DOCK1: variants seen among roughly 807,000 people sequenced by gnomAD.
The protein encoded by DOCK1 is dedicator of cytokinesis protein 1.
In DOCK1, 138 loss-of-function variants were observed where a neutral mutation model predicts 262.7. The ratio of observed to expected loss-of-function variants is 0.53; its 90% CI spans 0.46 to 0.61. DOCK1 has a LOEUF of 0.61. DOCK1 is among the 20% of genes least tolerant of loss of function. The pLI, the probability that DOCK1 is intolerant of heterozygous loss-of-function variation, is 0.00. For synonymous variants in DOCK1, 866 were observed against 867.4 expected, an observed-to-expected ratio of 1.00 and a Z score of 0.03; for missense variants, 1,908 against 2,370.7, an observed-to-expected ratio of 0.80 and a Z score of 4.05.
In DOCK1 at chr10:127,176,111, G is replaced by A; in HGVS notation, c.2847+48347G>A. The A allele has an allele frequency of 6.2e-7, 1 of 1,614,178 alleles. No homozygotes were observed. The highest frequency in any genetic ancestry group is 8.5e-7 in the Non-Finnish European group (1 of 1,180,042). ...CTGTGCTCTTGGTGACGTTGGGGAT[G>A]GACCTGCGTGCGGGCACTGTCATGT... is the stretch of plus-strand genomic sequence containing the variant. On this transcript the variant is annotated intron_variant, in intron 27 of 51. Transcript: ENST00000623213. This position sits in a 1 kb window ranked among gnomAD's most constrained non-coding sequence, Gnocchi z 4.4.
intron 27 of DOCK1, among the ~76,000 whole-genome samples, chr10:127,158,555 C>A (rs958129195): frequency 1.3e-5 from 2 of 152,098 alleles, no homozygotes; most frequent in African/African-American, 2.4e-5. Context: ...ACCTTCTGGG[C>A]GTTCAGTTAA....
intron 46 of DOCK1, among the ~76,000 whole-genome samples, chr10:127,420,025 TTC>T (rs2068404267): frequency 6.6e-6 from 1 of 152,222 alleles, no homozygotes; most frequent in Admixed American, 6.5e-5. Flanking sequence ...GGAAAACTTT[TTC>T]TCTGTCTGTA....
intron 45 of DOCK1, 144 bp from the exon 46 acceptor site, chr10:127,419,522 A>T: frequency 2.8e-6 from 2 of 724,022 alleles, no homozygotes; most frequent in Non-Finnish European, 4.6e-6. Context: ...GGTGCTGCGA[A>T]GGGTGTGACC....
intron 27 of DOCK1, among the ~76,000 whole-genome samples, chr10:127,144,451 T>C (rs917608133): frequency 2.0e-5 from 3 of 152,186 alleles, no homozygotes; most frequent in Admixed American, 1.3e-4. Context: ...GTTTAATTCA[T>C]CTTTTGTCTG....
intron 29 of DOCK1, among the ~76,000 whole-genome samples, chr10:127,310,917 C>T (rs1481167461): frequency 6.6e-6 from 1 of 152,132 alleles, no homozygotes. Context: ...CTGAAAATTA[C>T]CCTGAAATGA....
intron 22 of DOCK1, among the ~76,000 whole-genome samples, chr10:127,060,041 G>T (rs140000726): frequency 6.6e-6 from 1 of 152,202 alleles, no homozygotes; most frequent in East Asian, 1.9e-4. Context: ...CATTTACTGT[G>T]CCTCTGGCTT....
At chr10:127,253,187 AC>A (rs758468762) in intron 28 of DOCK1, among the ~76,000 whole-genome samples, 1 of 152,236 alleles carries the variant, frequency 6.6e-6, no homozygotes, top group Non-Finnish European at 1.5e-5. Context: ...CCACGTGTCC[AC>A]GTCTCAGTAA....
intron 1 of DOCK1, among the ~76,000 whole-genome samples, chr10:126,942,705 A>G (rs1165094774): frequency 3.9e-5 from 6 of 152,156 alleles, no homozygotes; most frequent in South Asian, 2.1e-4. Context: ...AATACACTCA[A>G]TGTTACACAA....
intron 28 of DOCK1, among the ~76,000 whole-genome samples, chr10:127,252,926 G>C (rs1178188424): frequency 6.6e-6 from 1 of 151,994 alleles, no homozygotes; most frequent in Non-Finnish European, 1.5e-5. Flanking sequence ...TACTAATTCA[G>C]GTTCTCAAAT....
At chr10:127,401,612 C>T (rs947109645) in intron 38 of DOCK1, among the ~76,000 whole-genome samples, 1 of 152,134 alleles carries the variant, frequency 6.6e-6, no homozygotes, top group Non-Finnish European at 1.5e-5. Flanking sequence ...GCCCACTCAC[C>T]CAGCTCCTGA....
intron 31 of DOCK1, 142 bp from the exon 32 acceptor site, chr10:127,354,527 G>C: frequency 1.2e-6 from 1 of 850,460 alleles, no homozygotes; most frequent in Admixed American, 2.7e-5. Flanking sequence ...ATTCATTTTG[G>C]TGGCAAGAGA....
intron 33 of DOCK1, among the ~76,000 whole-genome samples, chr10:127,371,944 G>GA (rs551647219): frequency 1.4e-4 from 21 of 152,064 alleles, no homozygotes; most frequent in Admixed American, 5.9e-4. Flanking sequence ...GATTTCAGGA[G>GA]AAAAAAAATC....
chr10:126,927,387 C>T (rs182090591), intron 1 of DOCK1, among the ~76,000 whole-genome samples: 4 of 152,172 alleles, frequency 2.6e-5, no homozygotes, highest in East Asian at 1.9e-4. Context: ...AGTTAGAGGC[C>T]GAGCTGATGA....
chr10:127,110,548 G>T (rs1339623087), intron 25 of DOCK1, among the ~76,000 whole-genome samples, 194 bp downstream of exon 25: 1 of 152,170 alleles, frequency 6.6e-6, no homozygotes. Context: ...AGATCATTGA[G>T]AAATGAAGGC....
intron 3 of DOCK1, among the ~76,000 whole-genome samples, chr10:126,981,171 C>T (rs373742485): frequency 2.2e-4 from 34 of 152,212 alleles, no homozygotes; most frequent in African/African-American, 8.2e-4. Flanking sequence ...TGGTCTTGAA[C>T]TCCTGACCTC....
At chr10:127,151,174 A>G (rs1015805506) in intron 27 of DOCK1, among the ~76,000 whole-genome samples, 1 of 152,130 alleles carries the variant, frequency 6.6e-6, no homozygotes, top group South Asian at 2.1e-4. Flanking sequence ...TTAAACTTTA[A>G]TTATTTCCAT....
At chr10:127,125,006 A>G (rs1041778187) in intron 25 of DOCK1, among the ~76,000 whole-genome samples, 2 of 152,084 alleles carry the variant, frequency 1.3e-5, no homozygotes, top group African/African-American at 4.8e-5. Flanking sequence ...AGTCCCAGCT[A>G]CTCAGGAGGC....
chr10:127,253,231 G>A (rs567070111), intron 28 of DOCK1, among the ~76,000 whole-genome samples: 120 of 152,326 alleles, frequency 7.9e-4, no homozygotes, highest in Non-Finnish European at 1.3e-3. Context: ...ATTCTCTGTA[G>A]TTAGCTAGAA....
intron 25 of DOCK1, among the ~76,000 whole-genome samples, chr10:127,118,302 A>T (rs2049316161): frequency 6.6e-6 from 1 of 151,976 alleles, no homozygotes. Flanking sequence ...CTTCTCACAC[A>T]GTGTTTTCTG....
Sources: allele counts gnomAD v4.1 joint callset (sites outside exome capture counted in the v4.1 genomes callset), GRCh38; gene constraint gnomAD v4.1.1; non-coding constraint Gnocchi (gnomAD v3.1); transcripts MANE v1.5; gene names NCBI Gene and HGNC (gene_info 2026-07-23, HGNC 2026-07-21).